Variants in WSCD2 observed in about 807,000 individuals in gnomAD.
WSCD2 encodes the protein WSC domain sialate O sulfotransferase 2, also known as sialate:O-sulfotransferase 2.
WSCD2 carries 28 observed loss-of-function variants against 55.7 expected under a neutral mutation model. The ratio of observed to expected loss-of-function variants is 0.50; its 90% CI spans 0.37 to 0.69. The LOEUF is 0.69. Ranked by LOEUF, WSCD2 falls within the 30% of genes least tolerant of loss-of-function variation. The pLI is 0.00. For synonymous variants in WSCD2, 301 were observed against 301.9 expected, an observed-to-expected ratio of 1.00 and a Z score of 0.03; for missense variants, 616 against 762.1, an observed-to-expected ratio of 0.81 and a Z score of 2.26.
chr12:108,189,854 A>G (rs1429039332), intron 1 of WSCD2: 1 of 152,170 alleles, frequency 6.6e-6, no homozygotes, highest in Non-Finnish European at 1.5e-5. Context: ...AGAGGAATCC[A>G]TTCTATCCAA....
chr12:108,188,840 T>C (rs12322569), intron 1 of WSCD2, among the ~76,000 whole-genome samples: 6,369 of 152,284 alleles, frequency 0.042, 454 homozygotes, highest in African/African-American at 0.14. Context: ...CATGGCATCA[T>C]GACACTGAGG....
intron 4 of WSCD2, among the ~76,000 whole-genome samples, 198 bp from the exon 5 acceptor site, chr12:108,224,541 G>A (rs777331539): frequency 7.2e-5 from 11 of 152,212 alleles, no homozygotes; most frequent in Non-Finnish European, 1.0e-4. Context: ...AACATTCTTT[G>A]ATGTATCGAG....
In WSCD2 at chr12:108,195,961, C is replaced by T. The variant is rs766938229; in HGVS notation, c.129C>T (p.Pro43=). The T allele has an allele frequency of 1.1e-5, 18 of 1,614,188 alleles. No individual in the cohort carries two copies. The highest frequency in any genetic ancestry group is 1.6e-4 in the Middle Eastern group (1 of 6,062). The change falls in exon 2 of 9, where the codon CCC becomes CCT. Residue 43 remains proline, a synonymous_variant. Coordinates refer to ENST00000547525, the MANE Select transcript of WSCD2 (RefSeq NM_014653.4). ...VFLHSGFVGQ[P]AVSGNQANPA... is the part of the protein sequence containing the mutation. ...TTCACTCTGGCTTTGTGGGCCAGCC[C>T]GCTGTCTCGGGGAACCAGGCGAACC...
At chr12:108,215,409 C>G (rs1426358) in intron 4 of WSCD2, among the ~76,000 whole-genome samples, 1 of 151,982 alleles carries the variant, frequency 6.6e-6, no homozygotes, top group Non-Finnish European at 1.5e-5. Context: ...CTGGGGCCAC[C>G]GAGTGAGGTA....
intron 1 of WSCD2, among the ~76,000 whole-genome samples, chr12:108,190,195 C>T (rs748791891): frequency 2.0e-5 from 3 of 152,158 alleles, no homozygotes; most frequent in Non-Finnish European, 4.4e-5. Flanking sequence ...ATATAGTATG[C>T]GCTCAACAAA....
intron 1 of WSCD2, among the ~76,000 whole-genome samples, chr12:108,194,775 G>A (rs993048412): frequency 9.9e-5 from 15 of 152,028 alleles, no homozygotes; most frequent in Non-Finnish European, 2.2e-4. Flanking sequence ...TGCCTCTGCC[G>A]CTCACAGCTT....
At position 108,224,700 on chromosome 12, in the gene WSCD2, T is replaced by A. The variant is rs1304426061; in HGVS notation, c.683-39T>A. 3 of 1,598,176 alleles carry A rather than the reference T, an allele frequency of 1.9e-6. No individual in the cohort carries two copies. In the South Asian group the frequency reaches 3.4e-5, roughly 18 times the overall value. ...GGTTTTCCCAACCAGATCTGACTCC[T>A]TGTATATCTGACTAGTCCTCTTCTC... On this transcript the variant is annotated intron_variant, in intron 4 of 8. Transcript: ENST00000547525.
chr12:108,196,259 G>A (rs1883915558), intron 2 of WSCD2, 45 bp downstream of exon 2: 1 of 1,546,926 alleles, frequency 6.5e-7, no homozygotes, highest in Non-Finnish European at 8.7e-7. Flanking sequence ...GGGGAGAAGG[G>A]AGGAGATACT....
intron 1 of WSCD2, among the ~76,000 whole-genome samples, chr12:108,130,161 C>T (rs1875336541): frequency 6.6e-6 from 1 of 152,184 alleles, no homozygotes. Flanking sequence ...CATTCCGGCT[C>T]ATCCAGGCAT....
At chr12:108,132,995 G>A (rs775887303) in intron 1 of WSCD2, among the ~76,000 whole-genome samples, 9 of 152,122 alleles carry the variant, frequency 5.9e-5, no homozygotes, top group Non-Finnish European at 8.8e-5. Flanking sequence ...CTGTGTAAAC[G>A]TGTGTTTCTG....
rs751422631 is a variant in WSCD2 at position 108,240,475 on chromosome 12, A to G, written c.1276A>G (p.Met426Val). The change falls in exon 8 of 9, where the codon ATG becomes GTG. Residue 426 changes from methionine (M) to valine (V), a missense_variant. Around this residue, in one of 3 missense-constraint regions of WSCD2, gnomAD observed 234 missense variants for 264.6 expected, o/e 0.88. Transcript: ENST00000547525. The stretch of plus-strand genomic sequence containing the variant: ...CATCCGCAACCCCTACAAAGCCCTC[A>G]TGGCTGAGTTCAACCGCAAGTACGG... ...LLIRNPYKAL[M>V]AEFNRKYGGH... 6.8e-6 allele frequency: 11 copies of G among 1,611,384 alleles called. No individual in the cohort carries two copies. Among genetic ancestry groups the G allele is most frequent in the Non-Finnish European group, 9.3e-6 (11 of 1,178,416 alleles).
At chr12:108,189,818 T>A (rs1882939805) in intron 1 of WSCD2, 1 of 151,856 alleles carries the variant, frequency 6.6e-6, no homozygotes, top group Admixed American at 6.6e-5. Context: ...AGGAGGGAGG[T>A]ATAGGAATGT....
intron 1 of WSCD2, among the ~76,000 whole-genome samples, chr12:108,179,764 G>A (rs1378399531): frequency 4.6e-5 from 7 of 152,206 alleles, no homozygotes; most frequent in African/African-American, 1.2e-4. Context: ...TATGACCTGC[G>A]TCACCTTGGG....
At chr12:108,198,167 C>T (rs73397895) in intron 2 of WSCD2, among the ~76,000 whole-genome samples, 23,585 of 151,872 alleles carry the variant, frequency 0.16, 1,951 homozygotes, top group Middle Eastern at 0.18. Context: ...GCCTGTTCTA[C>T]TGGACTGTCA....
chr12:108,250,412 T>C lies in WSCD2; in HGVS notation c.*2069T>C, dbSNP rs9739493. 0.57 allele frequency: 86,026 copies of C among 152,034 alleles called. 25,953 individuals carry two copies. The highest frequency in any genetic ancestry group is 0.79 in the African/African-American group (32,915 of 41,412). 9.4% of individuals were successfully genotyped at this position (152,034 alleles called of 1,614,324 possible). ...AAATTGCCTTTGTGTTCTCCTGCCT[T>C]TCTATGTTTTGAAACTGTATCCCAC... is the stretch of plus-strand genomic sequence containing the variant. On this transcript the variant is annotated 3_prime_UTR_variant, in exon 9 of 9. Transcript: ENST00000547525.
chr12:108,210,561 C>T lies in WSCD2; in HGVS notation c.682+256C>T, dbSNP rs929327518. 6.6e-6 allele frequency among the ~76,000 whole-genome samples: 1 copy of T among 152,206 alleles called. No individual in the cohort carries two copies. The highest frequency in any genetic ancestry group is 2.4e-5 in the African/African-American group (1 of 41,446). On this transcript the variant is annotated intron_variant, in intron 4 of 8. Coordinates refer to ENST00000547525, the MANE Select transcript of WSCD2 (RefSeq NM_014653.4). This position sits in a 1 kb window ranked among gnomAD's most constrained non-coding sequence, Gnocchi z 4.3. ...GTTCCAGCTGTATCCCTCATTCTCACCAGTCTTCCTCCTTCTGAAACTGAG... is the reference window on the plus strand; with the variant it reads ...GTTCCAGCTGTATCCCTCATTCTCATCAGTCTTCCTCCTTCTGAAACTGAG...
intron 6 of WSCD2, among the ~76,000 whole-genome samples, chr12:108,231,811 T>C (rs1280968496): frequency 6.6e-6 from 1 of 152,092 alleles, no homozygotes; most frequent in Non-Finnish European, 1.5e-5. Context: ...ATTATCTGAA[T>C]TGCAATTGTG....
intron 8 of WSCD2, among the ~76,000 whole-genome samples, chr12:108,245,519 C>G (rs914856105): frequency 1.3e-5 from 2 of 152,230 alleles, no homozygotes; most frequent in Non-Finnish European, 2.9e-5. Flanking sequence ...CTGAGAGACT[C>G]CTTCCTTTTT....
intron 1 of WSCD2, among the ~76,000 whole-genome samples, chr12:108,177,901 T>G (rs1401105468): frequency 1.3e-5 from 2 of 152,030 alleles, no homozygotes; most frequent in African/African-American, 2.4e-5. Flanking sequence ...AGAGTCTTGA[T>G]CTGGGTGGGT....
Sources: gnomAD v4.1 joint callset for allele counts (sites outside exome capture counted in the v4.1 genomes callset) on GRCh38, gnomAD v4.1.1 for gene constraint, gnomAD v4.1.1 regional missense constraint, Gnocchi (gnomAD v3.1) non-coding constraint, MANE v1.5 for transcripts, NCBI Gene and HGNC (gene_info 2026-07-23, HGNC 2026-07-21) for gene names.